SLC12A6: variants seen among roughly 807,000 people sequenced by gnomAD.
SLC12A6 encodes the protein solute carrier family 12 member 6, also known as K-Cl cotransporter 3.
Under a neutral mutation model 135.3 loss-of-function variants are expected in SLC12A6, and 66 were observed. The observed-to-expected ratio is 0.49, with a 90% CI of 0.40 to 0.60. SLC12A6 has a LOEUF of 0.60. Ranked by LOEUF, SLC12A6 falls within the 20% of genes least tolerant of loss-of-function variation. The pLI is 0.00. For synonymous variants in SLC12A6, 513 were observed against 508.8 expected, an observed-to-expected ratio of 1.01 and a Z score of -0.11; for missense variants, 1,058 against 1,452.3, an observed-to-expected ratio of 0.73 and a Z score of 4.41.
rs1891346757 is a variant in SLC12A6, at chr15:34,237,475, G to A, written c.2878C>T (p.Leu960=). The A allele has an allele frequency of 6.2e-7, 1 of 1,612,726 alleles. No homozygotes were observed. The highest frequency in any genetic ancestry group is 2.2e-5 in the East Asian group (1 of 44,846). The change falls in exon 22 of 26, where the codon CTA becomes TTA. Residue 960 remains leucine, a synonymous_variant. Transcript: ENST00000354181. ...CGTAAGTGATATAGGAAGGTGGCTA[G>A]GTCCTTCTTCATTTGGATACTGTTG... ...EDNSIQMKKD[L]ATFLYHLRIE...
intron 3 of SLC12A6, among the ~76,000 whole-genome samples, chr15:34,264,145 A>C (rs904427715): frequency 1.3e-5 from 2 of 152,234 alleles, no homozygotes; most frequent in Non-Finnish European, 2.9e-5. Context: ...TGACAGAAAA[A>C]AATCACTAAT....
Position 34,233,973 on chromosome 15 carries a change from C to G in SLC12A6, c.3362-1G>C. 6.5e-7 allele frequency: 1 copy of G among 1,537,626 alleles called. No homozygotes were observed. Among genetic ancestry groups the G allele is most frequent in the Non-Finnish European group, 9.0e-7 (1 of 1,110,106 alleles). On this transcript the variant is annotated splice_acceptor_variant, in intron 25 of 25. Transcript: ENST00000354181. LOFTEE classifies it high-confidence loss of function. ...GTAAGCACCTCTAGGAACTCCATGT[C>G]TTCAAAACTTGTCAAGGAGACAGGC...
At chr15:34,246,840 A>G (rs1048135976) in intron 13 of SLC12A6, among the ~76,000 whole-genome samples, 3 of 152,086 alleles carry the variant, frequency 2.0e-5, no homozygotes, top group African/African-American at 7.2e-5. Flanking sequence ...CTGTAGAGAC[A>G]GGATCTCGCC....
intron 2 of SLC12A6, among the ~76,000 whole-genome samples, chr15:34,286,136 C>T (rs76059335): frequency 0.097 from 14,680 of 151,724 alleles, 805 homozygotes; most frequent in South Asian, 0.15. Flanking sequence ...TGTGGTAGCA[C>T]GATCTAAGTT....
chr15:34,308,630 CAAAAAAA>C (rs536506096), intron 2 of SLC12A6, among the ~76,000 whole-genome samples: 1 of 63,336 alleles, frequency 1.6e-5, no homozygotes, highest in Non-Finnish European at 3.3e-5. Context: ...GTCCACCTGA[CAAAAAAA>C]AAAAAAAAAA....
intron 2 of SLC12A6, among the ~76,000 whole-genome samples, chr15:34,288,788 C>T (rs1394906996): frequency 6.6e-6 from 1 of 152,138 alleles, no homozygotes; most frequent in East Asian, 1.9e-4. Context: ...CTCTGTTTGT[C>T]TGTTACTGGT....
chr15:34,334,303 G>C (rs761450447), intron 2 of SLC12A6, among the ~76,000 whole-genome samples: 8 of 152,154 alleles, frequency 5.3e-5, no homozygotes, highest in Non-Finnish European at 1.2e-4. Context: ...ACTGTGAAAT[G>C]CACTATGAGC....
intron 2 of SLC12A6, among the ~76,000 whole-genome samples, chr15:34,334,001 C>G (rs899507384): frequency 2.7e-5 from 4 of 149,922 alleles, no homozygotes. Flanking sequence ...ACCCGGGAGA[C>G]AGAGATTGCA....
intron 2 of SLC12A6, among the ~76,000 whole-genome samples, chr15:34,308,287 T>C (rs185786362): frequency 6.2e-4 from 95 of 152,208 alleles, no homozygotes; most frequent in African/African-American, 1.9e-3. Flanking sequence ...TCGCTGATAA[T>C]TGCATCTTCC....
intron 2 of SLC12A6, among the ~76,000 whole-genome samples, chr15:34,277,678 A>G (rs996928084): frequency 3.3e-5 from 5 of 152,182 alleles, no homozygotes; most frequent in African/African-American, 1.2e-4. Flanking sequence ...GTGACTCTAG[A>G]GGAAAAGCTG....
At position 34,255,138 on chromosome 15, in the gene SLC12A6, T is replaced by C. The variant is rs929192504; in HGVS notation, c.876+124A>G. On this transcript the variant is annotated intron_variant, in intron 8 of 25. Transcript: ENST00000354181. ...CCTCATATTCATGTAAGAGGCCAAC[T>C]GACGTTGGCAGTCAATCACCTGATT... 13 of 829,632 alleles carry C rather than the reference T, an allele frequency of 1.6e-5. No individual in the cohort carries two copies. In the African/African-American group the frequency reaches 2.0e-4, roughly 13 times the overall value. The allele number at this position is 829,632 out of a possible 1,614,324, so 51.4% of individuals were successfully genotyped here.
chr15:34,327,647 G>T (rs1889562120), intron 2 of SLC12A6, among the ~76,000 whole-genome samples: 1 of 149,652 alleles, frequency 6.7e-6, no homozygotes, highest in South Asian at 2.1e-4. Flanking sequence ...AATAGAGCAA[G>T]ACTCTGTCTC....
At chr15:34,297,734 G>A (rs750607291) in intron 2 of SLC12A6, among the ~76,000 whole-genome samples, 31 of 152,206 alleles carry the variant, frequency 2.0e-4, no homozygotes, top group Non-Finnish European at 4.0e-4. Flanking sequence ...TACAGCACAT[G>A]TCTGGAAAGA....
intron 3 of SLC12A6, among the ~76,000 whole-genome samples, chr15:34,274,949 A>ATAC (rs1372341775): frequency 3.9e-5 from 6 of 152,222 alleles, no homozygotes; most frequent in Non-Finnish European, 8.8e-5. Context: ...GCTTAAGGAC[A>ATAC]TACTGTTTAT....
At chr15:34,261,856 A>G (rs527399057) in intron 3 of SLC12A6, among the ~76,000 whole-genome samples, 9 of 152,200 alleles carry the variant, frequency 5.9e-5, no homozygotes, top group Non-Finnish European at 1.0e-4. Context: ...CAAAAATAAC[A>G]GATGTTGGCA....
Position 34,275,390 on chromosome 15 carries a change from C to T in SLC12A6, c.272-1G>A. On this transcript the variant is annotated splice_acceptor_variant, in intron 2 of 25. Coordinates refer to ENST00000354181, the MANE Select transcript of SLC12A6 (RefSeq NM_001365088.1). LOFTEE classifies it high-confidence loss of function. The stretch of plus-strand genomic sequence containing the variant: ...CCTGTGATGGAGTTCTGACTCAGGT[C>T]TGAAAAACAAACAATTGAAAAGAAA... The T allele has an allele frequency of 6.7e-7, 1 of 1,498,248 alleles. No individual in the cohort carries two copies. The highest frequency in any genetic ancestry group is 9.3e-7 in the Non-Finnish European group (1 of 1,075,780). The allele number at this position is 1,498,248 out of a possible 1,614,324, so 92.8% of individuals were successfully genotyped here.
chr15:34,321,393 G>A (rs897941389), intron 2 of SLC12A6, among the ~76,000 whole-genome samples: 1 of 152,142 alleles, frequency 6.6e-6, no homozygotes, highest in Non-Finnish European at 1.5e-5. Flanking sequence ...AAAGAAGGTG[G>A]GATGTGAGAA....
intron 10 of SLC12A6, among the ~76,000 whole-genome samples, chr15:34,251,914 G>C (rs2705109): frequency 2.0e-5 from 3 of 152,220 alleles, no homozygotes; most frequent in Non-Finnish European, 4.4e-5. Context: ...CGTAAGGTTA[G>C]AAAGTGATTT....
chr15:34,254,137 G>A (rs190870650), intron 9 of SLC12A6, among the ~76,000 whole-genome samples: 29 of 152,314 alleles, frequency 1.9e-4, no homozygotes, highest in African/African-American at 6.5e-4. Flanking sequence ...ACAGCTACTA[G>A]TTCTATGCTT....
Sources: allele counts gnomAD v4.1 joint callset (sites outside exome capture counted in the v4.1 genomes callset), GRCh38; gene constraint gnomAD v4.1.1; transcripts MANE v1.5; gene names NCBI Gene and HGNC (gene_info 2026-07-23, HGNC 2026-07-21).